GNG12: variants seen among roughly 807,000 people sequenced by gnomAD.
GNG12 encodes the protein guanine nucleotide-binding protein G(I)/G(S)/G(O) subunit gamma-12.
For synonymous variants in GNG12, 28 were observed against 29.7 expected, an observed-to-expected ratio of 0.94 and a Z score of 0.19; for missense variants, 69 against 83.8, an observed-to-expected ratio of 0.82 and a Z score of 0.69.
intron 1 of GNG12, among the ~76,000 whole-genome samples, chr1:67,816,340 A>G (rs67689536): frequency 0.33 from 49,554 of 151,952 alleles, 8,331 homozygotes; most frequent in Middle Eastern, 0.5. Flanking sequence ...CTTTCAAAGA[A>G]GGTGGAAGGG....
intron 2 of GNG12, among the ~76,000 whole-genome samples, chr1:67,761,886 C>T (rs1486287563): frequency 6.6e-6 from 1 of 152,050 alleles, no homozygotes; most frequent in Non-Finnish European, 1.5e-5. Context: ...TTAATCACGG[C>T]TCCACTCCAG....
intron 1 of GNG12, among the ~76,000 whole-genome samples, chr1:67,795,913 T>C (rs1646828577): frequency 6.6e-6 from 1 of 152,202 alleles, no homozygotes; most frequent in African/African-American, 2.4e-5. Context: ...ACATGGAAAC[T>C]AAATGGTATG....
intron 2 of GNG12, among the ~76,000 whole-genome samples, chr1:67,765,111 G>T (rs1160163893): frequency 6.6e-6 from 1 of 152,068 alleles, no homozygotes; most frequent in Non-Finnish European, 1.5e-5. Context: ...ATTATCAATA[G>T]TCATTAGATG....
intron 2 of GNG12, among the ~76,000 whole-genome samples, chr1:67,762,691 TCCCTAATTTTTTTC>T (rs1167135008): frequency 1.3e-5 from 2 of 152,168 alleles, no homozygotes; most frequent in African/African-American, 4.8e-5. Context: ...AAAGTTTTTT[TCCCTAATTTTTTTC>T]CCCTAATTTT....
chr1:67,724,581 G>A (rs1646375579), intron 2 of GNG12, among the ~76,000 whole-genome samples: 1 of 152,072 alleles, frequency 6.6e-6, no homozygotes, highest in African/African-American at 2.4e-5. Context: ...GTAGAGATGG[G>A]GTTTCACCAT....
At chr1:67,760,839 A>G (rs1206569618) in intron 2 of GNG12, among the ~76,000 whole-genome samples, 2 of 152,238 alleles carry the variant, frequency 1.3e-5, no homozygotes, top group Non-Finnish European at 2.9e-5. Context: ...GAAGATAAAC[A>G]GAGAATCCAC....
intron 2 of GNG12, among the ~76,000 whole-genome samples, chr1:67,764,427 C>G (rs1173141729): frequency 6.6e-6 from 1 of 152,180 alleles, no homozygotes; most frequent in Non-Finnish European, 1.5e-5. Flanking sequence ...CAAAGCCTAC[C>G]CTTCTCCTCT....
At chr1:67,757,816 C>T (rs1254997912) in intron 2 of GNG12, among the ~76,000 whole-genome samples, 5 of 152,114 alleles carry the variant, frequency 3.3e-5, no homozygotes, top group Admixed American at 1.3e-4. Context: ...TAGGGGTCCC[C>T]AAGGACACTG....
chr1:67,770,997 G>A (rs911615364), intron 2 of GNG12, among the ~76,000 whole-genome samples: 2 of 152,088 alleles, frequency 1.3e-5, no homozygotes, highest in Non-Finnish European at 2.9e-5. Flanking sequence ...GAGAGAGTGA[G>A]TGAGAGACAG....
At chr1:67,750,911 C>T (rs1646535013) in intron 2 of GNG12, among the ~76,000 whole-genome samples, 1 of 152,150 alleles carries the variant, frequency 6.6e-6, no homozygotes, top group African/African-American at 2.4e-5. Context: ...TTTTATGACA[C>T]TATATGTAGC....
At chr1:67,723,813 T>A (rs1302461119) in intron 2 of GNG12, among the ~76,000 whole-genome samples, 1 of 152,174 alleles carries the variant, frequency 6.6e-6, no homozygotes, top group Admixed American at 6.5e-5. Flanking sequence ...GATACTTTTA[T>A]GATTAAGAAA....
At chr1:67,744,252 T>G (rs1048119553) in intron 2 of GNG12, among the ~76,000 whole-genome samples, 2 of 152,208 alleles carry the variant, frequency 1.3e-5, no homozygotes, top group South Asian at 4.1e-4. Flanking sequence ...AGCTGGGATG[T>G]GATCCTAGGT....
rs548980040 is a variant in GNG12 at position 67,801,444 on chromosome 1, G to A, written c.-76-23937C>T. On this transcript the variant is annotated intron_variant, in intron 1 of 3. Transcript: ENST00000370982. ...GGTCTTTGGGCACCAAATCCCATGC[G>A]CTTCCCTACATGCTGATTTCTTCAA... 1.5e-4 allele frequency among the ~76,000 whole-genome samples: 23 copies of A among 152,306 alleles called. 1 individual carries two copies. In the South Asian group the frequency reaches 4.4e-3, roughly 29 times the overall value.
intron 2 of GNG12, 25 bp downstream of exon 2, chr1:67,777,433 T>G (rs1646712281): frequency 2.9e-5 from 23 of 791,908 alleles, no homozygotes; most frequent in Non-Finnish European, 3.5e-5. Flanking sequence ...AAACAGTCAC[T>G]TTGTTTAAGA....
intron 2 of GNG12, among the ~76,000 whole-genome samples, chr1:67,727,293 A>G (rs1325800845): frequency 1.3e-5 from 2 of 152,258 alleles, no homozygotes; most frequent in African/African-American, 2.4e-5. Flanking sequence ...GTGACCAAAT[A>G]AGAGTTTCAG....
At chr1:67,706,907 G>A (rs573081931) in intron 3 of GNG12, among the ~76,000 whole-genome samples, 3 of 152,162 alleles carry the variant, frequency 2.0e-5, no homozygotes, top group South Asian at 2.1e-4. Flanking sequence ...TGATCTGCCC[G>A]CCTCGGCCTC....
rs555695975 is a variant in GNG12, at chr1:67,734,972, G to C, written c.-26-27260C>G. Among the ~76,000 whole-genome samples, 10 of 152,150 alleles carry C rather than the reference G, an allele frequency of 6.6e-5. No homozygotes were observed. The South Asian group carries it at 8.3e-4, about 13-fold the overall frequency. On this transcript the variant is annotated intron_variant, in intron 2 of 3. Coordinates refer to ENST00000370982, the MANE Select transcript of GNG12 (RefSeq NM_018841.6). Reference sequence around the variant, plus strand: ...GACTTCAAGCAATTCTCCTGCTTCAGCCTCCAGAGTAGCTGGGATTACAGG... The same window carrying C: ...GACTTCAAGCAATTCTCCTGCTTCACCCTCCAGAGTAGCTGGGATTACAGG...
intron 2 of GNG12, among the ~76,000 whole-genome samples, chr1:67,747,162 C>T (rs1185466664): frequency 6.6e-6 from 1 of 152,164 alleles, no homozygotes; most frequent in East Asian, 1.9e-4. Context: ...CTCTGTTGCC[C>T]AGGCTGGAGT....
At chr1:67,783,087 A>C (rs1185623287) in intron 1 of GNG12, among the ~76,000 whole-genome samples, 1 of 152,118 alleles carries the variant, frequency 6.6e-6, no homozygotes, top group Non-Finnish European at 1.5e-5. Flanking sequence ...CTGTAAGGAT[A>C]AAAAAAGAAA....
Sources: allele counts gnomAD v4.1 joint callset (sites outside exome capture counted in the v4.1 genomes callset), GRCh38; gene constraint gnomAD v4.1.1; transcripts MANE v1.5; gene names NCBI Gene and HGNC (gene_info 2026-07-23, HGNC 2026-07-21).